Variants in DPP6 observed in about 807,000 individuals in gnomAD.
DPP6 encodes dipeptidyl peptidase like 6.
A neutral mutation model predicts 122.6 loss-of-function variants in DPP6; 69 were observed. That is an observed-to-expected ratio of 0.56 (90% CI 0.46 to 0.69). The LOEUF is 0.69. Among genes scored for constraint, DPP6 ranks in the 30% least tolerant of loss-of-function variants. The pLI is 0.00. For synonymous variants in DPP6, 418 were observed against 433.1 expected (o/e 0.97, Z 0.43); for missense variants, 928 against 1,116.9 (o/e 0.83, Z 2.41).
At chr7:154,461,680 C>A (rs780235990) in intron 2 of DPP6, among the ~76,000 whole-genome samples, 4 of 152,116 alleles carry the variant, frequency 2.6e-5, no homozygotes, top group Non-Finnish European at 5.9e-5. Context: ...TGAGAAATGT[C>A]TACTCAGATC....
chr7:154,077,475 G>A (rs1803640798), intron 1 of DPP6, among the ~76,000 whole-genome samples: 1 of 152,014 alleles, frequency 6.6e-6, no homozygotes, highest in African/African-American at 2.4e-5. Context: ...GGGATGTGGG[G>A]CACCTACACT....
At chr7:154,512,539 T>C (rs892551292) in intron 3 of DPP6, among the ~76,000 whole-genome samples, 4 of 152,218 alleles carry the variant, frequency 2.6e-5, no homozygotes, top group African/African-American at 9.6e-5. Flanking sequence ...CTCATTTACA[T>C]TGCAATGAGT....
chr7:153,844,266 A>G, the DPP6 span, among the ~76,000 whole-genome samples: 2 of 152,214 alleles, frequency 1.3e-5, no homozygotes, highest in Non-Finnish European at 1.5e-5. Context: ...GTCTCCCTAC[A>G]ACTCCCCCTT....
At chr7:154,393,584 A>G (rs1814819552) in intron 1 of DPP6, among the ~76,000 whole-genome samples, 1 of 149,034 alleles carries the variant, frequency 6.7e-6, no homozygotes, top group Non-Finnish European at 1.5e-5. Flanking sequence ...TCTCAGACCC[A>G]GTAACTTTGG....
intron 7 of DPP6, among the ~76,000 whole-genome samples, chr7:154,713,057 G>A (rs186419873): frequency 2.0e-4 from 31 of 152,308 alleles, no homozygotes; most frequent in African/African-American, 7.0e-4. Context: ...ATTCCAAATG[G>A]CAGAAATTGG....
At chr7:154,668,197 T>TTATA (rs10668895) in intron 6 of DPP6, among the ~76,000 whole-genome samples, 640 of 36,474 alleles carry the variant, frequency 0.018, 93 homozygotes, top group South Asian at 0.035. Context: ...TGTGTATATT[T>TTATA]TATATATATA....
At chr7:153,945,366 A>G (rs1220602595) in intron 1 of DPP6, among the ~76,000 whole-genome samples, 1 of 152,168 alleles carries the variant, frequency 6.6e-6, no homozygotes, top group Non-Finnish European at 1.5e-5. Flanking sequence ...GGAAGCCAGA[A>G]GCTGGGAGTC....
the DPP6 span, among the ~76,000 whole-genome samples, chr7:153,816,079 C>G: frequency 6.6e-6 from 1 of 150,518 alleles, no homozygotes; most frequent in Non-Finnish European, 1.5e-5. Flanking sequence ...GTTATAGAAA[C>G]TAAGAAAAAT....
chr7:154,125,643 T>A (rs1031296951), intron 1 of DPP6, among the ~76,000 whole-genome samples: 1 of 152,210 alleles, frequency 6.6e-6, no homozygotes, highest in Admixed American at 6.5e-5. Context: ...GAATTCACAC[T>A]GTTACTGGCT....
At chr7:154,474,084 G>A (rs1822520352) in intron 2 of DPP6, among the ~76,000 whole-genome samples, 1 of 152,230 alleles carries the variant, frequency 6.6e-6, no homozygotes, top group Non-Finnish European at 1.5e-5. Context: ...CAGAAGTGAA[G>A]GTGGTGGAAT....
chr7:153,812,884 T>C, the DPP6 span, among the ~76,000 whole-genome samples: 1 of 152,058 alleles, frequency 6.6e-6, no homozygotes, highest in Non-Finnish European at 1.5e-5. Context: ...TACAACCTAC[T>C]GAGACCAAAA....
chr7:154,326,226 C>A (rs184817127), intron 1 of DPP6, among the ~76,000 whole-genome samples: 55 of 152,220 alleles, frequency 3.6e-4, no homozygotes, highest in African/African-American at 1.3e-3. Context: ...ATATGCATGA[C>A]CCTGTGCCTA....
Position 154,282,995 on chromosome 7 carries a change from A to G in DPP6, c.244-163219A>G, listed in dbSNP as rs1488732971. On this transcript the variant is annotated intron_variant, in intron 1 of 25. Coordinates refer to ENST00000377770, the MANE Select transcript of DPP6 (RefSeq NM_130797.4). The surrounding 1 kb of genome is among the most constrained non-coding windows in gnomAD (Gnocchi z 4.8). ...AACACGTCTCTCTCTGGACTCAGGG[A>G]CAATACCCATACATATCTGTGGAAT... 1.3e-5 allele frequency among the ~76,000 whole-genome samples: 2 copies of G among 152,152 alleles called. No individual in the cohort carries two copies. Among genetic ancestry groups the G allele is most frequent in the East Asian group, 3.9e-4 (2 of 5,186 alleles).
In DPP6 at chr7:154,604,847, G is replaced by T. The variant is rs981185315; in HGVS notation, c.628-32974G>T. Reference sequence around the variant, plus strand: ...AACAATGACGGTTTTGTTTCTCCCCGTCCTTGCCTATCTCTTTTGTTTGTT... The same window carrying T: ...AACAATGACGGTTTTGTTTCTCCCCTTCCTTGCCTATCTCTTTTGTTTGTT... On this transcript the variant is annotated intron_variant, in intron 5 of 25. Transcript: ENST00000377770. Among the ~76,000 whole-genome samples, 95 of 119,824 alleles carry T rather than the reference G, an allele frequency of 7.9e-4. 22 individuals carry two copies. Among genetic ancestry groups the T allele is most frequent in the African/African-American group, 2.4e-3 (90 of 37,874 alleles). 78.6% of individuals were successfully genotyped at this position (119,824 alleles called of 152,430 possible).
chr7:153,818,837 T>C, the DPP6 span, among the ~76,000 whole-genome samples: 1 of 151,850 alleles, frequency 6.6e-6, no homozygotes, highest in Non-Finnish European at 1.5e-5. Context: ...CTGCAACCTC[T>C]GCCTCCCGGG....
intron 1 of DPP6, among the ~76,000 whole-genome samples, chr7:153,958,579 C>A (rs1795188767): frequency 6.6e-6 from 1 of 152,146 alleles, no homozygotes; most frequent in African/African-American, 2.4e-5. Flanking sequence ...TTTGCATATA[C>A]TGGGTACACT....
intron 3 of DPP6, among the ~76,000 whole-genome samples, chr7:154,531,805 A>T (rs1375438225): frequency 1.3e-5 from 2 of 152,194 alleles, no homozygotes; most frequent in African/African-American, 2.4e-5. Context: ...ACAGGTTTCT[A>T]TAGTTAATAA....
intron 6 of DPP6, among the ~76,000 whole-genome samples, chr7:154,647,824 A>T (rs143094402): frequency 2.1e-4 from 32 of 152,182 alleles, no homozygotes; most frequent in African/African-American, 7.5e-4. Context: ...CTCCTGGGAG[A>T]GAGCTGTTGA....
chr7:153,759,422 G>A, the DPP6 span, among the ~76,000 whole-genome samples: 3 of 151,870 alleles, frequency 2.0e-5, no homozygotes, highest in Non-Finnish European at 4.4e-5. Flanking sequence ...GGGCTCAAGC[G>A]ATCCTGAAAC....
Sources: allele counts gnomAD v4.1 joint callset (sites outside exome capture counted in the v4.1 genomes callset), GRCh38; gene constraint gnomAD v4.1.1; non-coding constraint Gnocchi (gnomAD v3.1); transcripts MANE v1.5; gene names NCBI Gene and HGNC (gene_info 2026-07-23, HGNC 2026-07-21).